The following TMEM132D variants were observed in gnomAD, a reference collection of about 807,000 sequenced individuals.
TMEM132D encodes transmembrane protein 132D, also known as mature OL transmembrane protein.
A neutral mutation model predicts 62.3 loss-of-function variants in TMEM132D; 21 were observed. That is an observed-to-expected ratio of 0.34 (90% confidence interval 0.24 to 0.49). The LOEUF is 0.49. Ranked by LOEUF, TMEM132D falls within the 20% of genes least tolerant of loss-of-function variation. TMEM132D has a pLI of 0.99. For synonymous variants in TMEM132D, 621 were observed against 575.6 expected (o/e 1.08, Z -1.13); for missense variants, 1,346 against 1,402.8 (o/e 0.96, Z 0.65).
chr12:129,116,270 G>A (rs1029871216), intron 5 of TMEM132D, among the ~76,000 whole-genome samples: 1 of 152,206 alleles, frequency 6.6e-6, no homozygotes, highest in Admixed American at 6.5e-5. Context: ...ATGGCACATA[G>A]AGGGAAATGA....
intron 4 of TMEM132D, among the ~76,000 whole-genome samples, chr12:129,295,809 T>G (rs2135623168): frequency 6.6e-6 from 1 of 152,328 alleles, no homozygotes; most frequent in African/African-American, 2.4e-5. Context: ...TCTAGATTAC[T>G]TATAATACCT....
chr12:129,493,678 A>C (rs537980720), intron 3 of TMEM132D, among the ~76,000 whole-genome samples: 4 of 152,236 alleles, frequency 2.6e-5, no homozygotes, highest in Non-Finnish European at 5.9e-5. Context: ...TCTAAGCACA[A>C]GACAGTGCAC....
intron 3 of TMEM132D, among the ~76,000 whole-genome samples, chr12:129,347,005 G>A (rs4759468): frequency 0.19 from 29,093 of 152,006 alleles, 3,038 homozygotes; most frequent in Middle Eastern, 0.28. Flanking sequence ...TATGAGGGAC[G>A]TGAAGGACCT....
At chr12:129,662,903 G>A (rs192693632) in intron 2 of TMEM132D, among the ~76,000 whole-genome samples, 25 of 150,698 alleles carry the variant, frequency 1.7e-4, no homozygotes, top group Non-Finnish European at 7.4e-5. Flanking sequence ...CAAAAATAAT[G>A]ATTATTTTTC....
At chr12:129,251,657 A>G (rs1297479780) in intron 4 of TMEM132D, among the ~76,000 whole-genome samples, 8 of 152,210 alleles carry the variant, frequency 5.3e-5, no homozygotes, top group Admixed American at 4.6e-4. Flanking sequence ...ATGGCTCTCA[A>G]TTAACTCCAT....
At chr12:129,865,715 G>C (rs1457854851) in intron 1 of TMEM132D, among the ~76,000 whole-genome samples, 2 of 152,160 alleles carry the variant, frequency 1.3e-5, no homozygotes, top group Admixed American at 6.5e-5. Flanking sequence ...ATGACTGCTT[G>C]GGCATCCTCT....
intron 1 of TMEM132D, among the ~76,000 whole-genome samples, chr12:129,744,403 G>T (rs1011365074): frequency 9.2e-5 from 14 of 152,180 alleles, no homozygotes; most frequent in African/African-American, 3.1e-4. Context: ...AAGTGGGTGT[G>T]GGAAGGAGAT....
intron 3 of TMEM132D, among the ~76,000 whole-genome samples, chr12:129,434,442 C>A (rs1042221760): frequency 6.6e-6 from 1 of 151,962 alleles, no homozygotes; most frequent in Non-Finnish European, 1.5e-5. Flanking sequence ...ATAGTGATAC[C>A]CTCCTCATAC....
intron 3 of TMEM132D, among the ~76,000 whole-genome samples, chr12:129,497,277 C>T (rs528287823): frequency 1.3e-5 from 2 of 152,120 alleles, no homozygotes; most frequent in African/African-American, 4.8e-5. Flanking sequence ...TACTGCATTC[C>T]GGCCTGGGCA....
chr12:129,204,177 A>G (rs547262787), intron 5 of TMEM132D, among the ~76,000 whole-genome samples: 1 of 152,330 alleles, frequency 6.6e-6, no homozygotes, highest in African/African-American at 2.4e-5. Flanking sequence ...GGTTCTTAAC[A>G]AGGTTGAAAT....
At position 129,889,033 on chromosome 12, in the gene TMEM132D, C is replaced by T. The variant is rs1418108106; in HGVS notation, c.79+14228G>A. ...GATGGAACTAAGAGAAACGTTCTTT[C>T]TTTTTACTAAAGTTAGGATAAGATG... On this transcript the variant is annotated intron_variant, in intron 1 of 8. Coordinates refer to ENST00000422113, the MANE Select transcript of TMEM132D (RefSeq NM_133448.3). 4.6e-5 allele frequency among the ~76,000 whole-genome samples: 7 copies of T among 152,220 alleles called. No homozygotes were observed. The South Asian group carries it at 1.0e-3, about 23-fold the overall frequency.
intron 4 of TMEM132D, among the ~76,000 whole-genome samples, chr12:129,278,610 A>C (rs947317427): frequency 2.6e-5 from 4 of 152,184 alleles, no homozygotes; most frequent in African/African-American, 7.2e-5. Context: ...AGGAAACATG[A>C]AATGACTGCC....
intron 5 of TMEM132D, among the ~76,000 whole-genome samples, chr12:129,091,065 G>A (rs532717423): frequency 8.5e-5 from 13 of 152,322 alleles, no homozygotes; most frequent in African/African-American, 1.2e-4. Flanking sequence ...ATTCCTGTGC[G>A]TCTCCTAGGC....
intron 3 of TMEM132D, among the ~76,000 whole-genome samples, chr12:129,404,936 A>C (rs1026398348): frequency 1.3e-5 from 2 of 152,206 alleles, no homozygotes; most frequent in Non-Finnish European, 2.9e-5. Flanking sequence ...TTATTTTTTT[A>C]ATATGAACAT....
Position 129,903,307 on chromosome 12 carries a change from G to C in TMEM132D, c.33C>G (p.His11Gln). 6.4e-7 allele frequency: 1 copy of C among 1,554,480 alleles called. No individual in the cohort carries two copies. The highest frequency in any genetic ancestry group is 8.7e-7 in the Non-Finnish European group (1 of 1,148,666). Residue 11 changes from histidine (H) to glutamine (Q), a missense_variant, in exon 1 of 9, where the codon CAC becomes CAG. Coordinates refer to ENST00000422113, the MANE Select transcript of TMEM132D (RefSeq NM_133448.3). The surrounding 1 kb of genome is among the most constrained non-coding windows in gnomAD (Gnocchi z 6.2). MCPSEMGTLW[H>Q]HWSPVLISLA... ...GGCTGATGAGTACCGGCGACCAGTGGTGCCACAGCGTCCCCATCTCAGACG... is the reference window on the plus strand; with the variant it reads ...GGCTGATGAGTACCGGCGACCAGTGCTGCCACAGCGTCCCCATCTCAGACG...
chr12:129,704,974 G>C (rs192056772), intron 1 of TMEM132D, among the ~76,000 whole-genome samples: 3 of 152,296 alleles, frequency 2.0e-5, no homozygotes, highest in African/African-American at 7.2e-5. Flanking sequence ...AGAAGATCCT[G>C]AAGTATTAAA....
intron 3 of TMEM132D, among the ~76,000 whole-genome samples, chr12:129,482,493 A>T (rs1335301319): frequency 6.6e-6 from 1 of 152,242 alleles, no homozygotes; most frequent in Non-Finnish European, 1.5e-5. Context: ...GTAGAAGCGT[A>T]GAAAAAAATG....
At chr12:129,137,932 G>A (rs1028416598) in intron 5 of TMEM132D, among the ~76,000 whole-genome samples, 14 of 152,072 alleles carry the variant, frequency 9.2e-5, no homozygotes, top group African/African-American at 3.1e-4. Flanking sequence ...GGTATTCTGG[G>A]AAGTATGTTA....
At chr12:129,682,927 C>G (rs572670034) in intron 2 of TMEM132D, 30 of 150,370 alleles carry the variant, frequency 2.0e-4, no homozygotes, top group Non-Finnish European at 3.7e-4. Context: ...TTCACTTGAT[C>G]CGCTCTCAGA....
Sources: gnomAD v4.1 joint callset for allele counts (sites outside exome capture counted in the v4.1 genomes callset) on GRCh38, gnomAD v4.1.1 for gene constraint, Gnocchi (gnomAD v3.1) non-coding constraint, MANE v1.5 for transcripts, NCBI Gene and HGNC (gene_info 2026-07-23, HGNC 2026-07-21) for gene names.